The following FRMD8 variants were observed in gnomAD, a reference collection of about 807,000 sequenced individuals.
The protein encoded by FRMD8 is FERM domain-containing protein 8.
FRMD8 carries 37 observed loss-of-function variants against 54.2 expected under a neutral mutation model. The ratio of observed to expected loss-of-function variants is 0.68; its 90% CI spans 0.53 to 0.90. The LOEUF is 0.90. Ranked by LOEUF, FRMD8 falls within the 40% of genes least tolerant of loss-of-function variation. The probability of loss-of-function intolerance (pLI) is 0.00; values close to 1 mark genes in which losing one functional copy is unlikely to be tolerated. For missense variants in FRMD8, 585 were observed against 653.7 expected (o/e 0.89, Z 1.15); for synonymous variants, 246 against 286.9 (o/e 0.86, Z 1.44).
chr11:65,379,772 C>A, the FRMD8 span: 3 of 1,515,148 alleles, frequency 2.0e-6, no homozygotes, highest in Non-Finnish European at 2.7e-6. Context: ...CTTCTCTCCT[C>A]CAGGAGCAGA....
intron 3 of FRMD8, 59 bp downstream of exon 3, chr11:65,389,587 G>C (rs1222195005): frequency 6.8e-7 from 1 of 1,479,026 alleles, no homozygotes; most frequent in African/African-American, 1.4e-5. Flanking sequence ...GACCAGTACA[G>C]GAGGGAGGGG....
the FRMD8 span, chr11:65,380,597 C>G: frequency 1.5e-6 from 2 of 1,294,966 alleles, no homozygotes; most frequent in Middle Eastern, 2.1e-4. Context: ...CCAGAGCAGG[C>G]CCTGCTGCCA....
At chr11:65,399,700 G>T (rs774792865) in intron 7 of FRMD8, 36 bp from the exon 8 acceptor site, 11 of 1,608,710 alleles carry the variant, frequency 6.8e-6, no homozygotes, top group African/African-American at 1.3e-5. Context: ...AGCATTTCTG[G>T]TGCTGGCCGG....
Position 65,411,388 on chromosome 11 carries a change from G to A in FRMD8, c.*28G>A, listed in dbSNP as rs1178822360. The A allele has an allele frequency of 8.2e-6, 12 of 1,467,572 alleles. No homozygotes were observed. The Admixed American group carries it at 8.3e-5, about 10-fold the overall frequency. The allele number at this position is 1,467,572 out of a possible 1,614,324, so 90.9% of individuals were successfully genotyped here. ...ACGCTGCACCCGGCAGGAGGAGGGC[G>A]ACTGGGGGCCCTGGCCCGGCACTGT... On this transcript the variant is annotated 3_prime_UTR_variant, in exon 11 of 11. Coordinates refer to ENST00000317568, the MANE Select transcript of FRMD8 (RefSeq NM_031904.5).
At chr11:65,379,512 A>G in the FRMD8 span, 1 of 1,613,390 alleles carries the variant, frequency 6.2e-7, no homozygotes, top group Non-Finnish European at 8.5e-7. Context: ...AGAGTTGACC[A>G]CAGCTATGCT....
chr11:65,386,426 G>T (rs1855730526), upstream of FRMD8, among the ~76,000 whole-genome samples: 2 of 152,228 alleles, frequency 1.3e-5, no homozygotes, highest in Non-Finnish European at 2.9e-5. Flanking sequence ...CCAACAGTCG[G>T]GGCCTTTGTG....
chr11:65,387,277 G>A (rs1209178831), intron 2 of FRMD8, 156 bp downstream of exon 2: 3 of 751,698 alleles, frequency 4.0e-6, no homozygotes, highest in Non-Finnish European at 7.0e-6. Flanking sequence ...AGAAGTCAGA[G>A]GCTCTGTCAC....
At chr11:65,387,835 G>A (rs1168118043) in intron 2 of FRMD8, among the ~76,000 whole-genome samples, 1 of 151,894 alleles carries the variant, frequency 6.6e-6, no homozygotes, top group African/African-American at 2.4e-5. Context: ...ACCACACCCG[G>A]CTGTGTCCTT....
intron 3 of FRMD8, among the ~76,000 whole-genome samples, chr11:65,391,181 G>C (rs568226220): frequency 2.2e-4 from 34 of 152,266 alleles, no homozygotes; most frequent in Non-Finnish European, 4.8e-4. Context: ...GTCACTCTGC[G>C]TGGAACAGGG....
Position 65,396,995 on chromosome 11 carries a change from A to C in FRMD8, c.778A>C (p.Lys260Gln). ...CACCCACTACCGCGCCTATCTCCTCAAGTGCCACGAGCTGCCGTTTTATGG... is the reference window on the plus strand; with the variant it reads ...CACCCACTACCGCGCCTATCTCCTCCAGTGCCACGAGCTGCCGTTTTATGG... ...LGTHYRAYLL[K>Q]CHELPFYGCA... Residue 260 changes from lysine to glutamine, a missense_variant, in exon 7 of 11, where the codon AAG becomes CAG. Coordinates refer to ENST00000317568, the MANE Select transcript of FRMD8 (RefSeq NM_031904.5). 6.8e-7 allele frequency: 1 copy of C among 1,463,278 alleles called. No homozygotes were observed. Among genetic ancestry groups the C allele is most frequent in the South Asian group, 1.4e-5 (1 of 72,662 alleles). The allele number at this position is 1,463,278 out of a possible 1,614,324, so 90.6% of individuals were successfully genotyped here. A position where few individuals can be genotyped will look rare whatever the true frequency, so the allele number is the denominator to read the frequency against.
the FRMD8 span, chr11:65,368,171 G>T: frequency 1.4e-5 from 2 of 146,670 alleles, no homozygotes; most frequent in African/African-American, 5.0e-5. Context: ...CAGTTCCCAG[G>T]TTCAAGCGAT....
At chr11:65,386,304 C>T (rs1855728724), upstream of FRMD8, among the ~76,000 whole-genome samples, 1 of 152,194 alleles carries the variant, frequency 6.6e-6, no homozygotes, top group South Asian at 2.1e-4. Flanking sequence ...GGATCCCTGG[C>T]ACGTGCCAGG....
the FRMD8 span, chr11:65,380,524 A>G: frequency 7.2e-7 from 1 of 1,385,574 alleles, no homozygotes; most frequent in African/African-American, 1.4e-5. Flanking sequence ...AGAATCACCC[A>G]GGTTCCCACC....
rs188873176 is a variant in FRMD8 at position 65,405,877 on chromosome 11, C to G, written c.1276+809C>G. ...CTTAGCTGAGCACGGTGGTATATGC[C>G]TGTAGTCTCACCTTCTTGGGAGGCT... On this transcript the variant is annotated intron_variant, in intron 10 of 10. Coordinates refer to ENST00000317568, the MANE Select transcript of FRMD8 (RefSeq NM_031904.5). Among the ~76,000 whole-genome samples the G allele has an allele frequency of 2.6e-3, 394 of 152,162 alleles. 2 individuals are homozygous for G. The highest frequency in any genetic ancestry group is 8.8e-3 in the African/African-American group (364 of 41,510).
chr11:65,376,939 C>A, the FRMD8 span: 6 of 1,612,968 alleles, frequency 3.7e-6, no homozygotes, highest in Non-Finnish European at 5.1e-6. Context: ...GCCCCCGGGG[C>A]CCCTCCTCCC....
chr11:65,386,960 C>T, intron 1 of FRMD8, 77 bp from the exon 2 acceptor site: 1 of 1,294,276 alleles, frequency 7.7e-7, no homozygotes, highest in African/African-American at 1.5e-5. Flanking sequence ...CCTTACCGTA[C>T]TCACCGAGAG....
At chr11:65,384,100 GT>G (rs1565590904), upstream of FRMD8, among the ~76,000 whole-genome samples, 1 of 152,098 alleles carries the variant, frequency 6.6e-6, no homozygotes, top group African/African-American at 2.4e-5. Flanking sequence ...CCTCACCCCA[GT>G]TTGAGAAAGA....
chr11:65,398,871 C>T (rs575048324), intron 7 of FRMD8, among the ~76,000 whole-genome samples: 4 of 152,278 alleles, frequency 2.6e-5, no homozygotes, highest in African/African-American at 9.6e-5. Context: ...AGCCCCATCC[C>T]ATCGCGTGGA....
chr11:65,370,427 C>G, the FRMD8 span, among the ~76,000 whole-genome samples: 3 of 151,734 alleles, frequency 2.0e-5, no homozygotes, highest in Non-Finnish European at 2.9e-5. Flanking sequence ...CTGGGCCAGG[C>G]GCGGTGGCTC....
Sources: gnomAD v4.1 joint callset for allele counts (sites outside exome capture counted in the v4.1 genomes callset) on GRCh38, gnomAD v4.1.1 for gene constraint, MANE v1.5 for transcripts, NCBI Gene and HGNC (gene_info 2026-07-23, HGNC 2026-07-21) for gene names.